The following VPS13A variants were observed in gnomAD, a reference collection of about 807,000 sequenced individuals.
The protein encoded by VPS13A is intermembrane lipid transfer protein VPS13A.
In VPS13A, 264 loss-of-function variants were observed where a neutral mutation model predicts 390.9. The ratio of observed to expected loss-of-function variants is 0.68; its 90% CI spans 0.61 to 0.75. VPS13A has a LOEUF of 0.75. Among genes scored for constraint, VPS13A ranks in the 30% least tolerant of loss-of-function variants. The probability of loss-of-function intolerance (pLI) is 0.00; values close to 1 mark genes in which losing one functional copy is unlikely to be tolerated. For synonymous variants in VPS13A, 1,231 were observed against 1,227.1 expected, an observed-to-expected ratio of 1.00 and a Z score of -0.07; for missense variants, 3,409 against 3,733.9, an observed-to-expected ratio of 0.91 and a Z score of 2.27.
In VPS13A at chr9:77,413,894, C is replaced by CAAGA. The variant is rs578133970; in HGVS notation, c.9475-2059_9475-2056dup. The stretch of plus-strand genomic sequence containing the variant: ...TCTACAATGAACTCAAACAAATCTA[C>CAAGA]AAGAAAAAAACAGCCCCATCAAAAA... On this transcript the variant is annotated intron_variant, in intron 71 of 71. Transcript: ENST00000360280. Among the ~76,000 whole-genome samples, 1,291 of 152,140 alleles carry CAAGA rather than the reference C, an allele frequency of 8.5e-3. 10 individuals are homozygous for CAAGA. The highest frequency in any genetic ancestry group is 0.014 in the South Asian group (67 of 4,824).
intron 54 of VPS13A, 63 bp from the exon 55 acceptor site, chr9:77,356,650 AC>A: frequency 6.6e-7 from 1 of 1,507,398 alleles, no homozygotes; most frequent in East Asian, 2.5e-5. Flanking sequence ...CATGTAATAA[AC>A]CAGTTAAAAT....
chr9:77,261,046 C>T lies in VPS13A; in HGVS notation c.2427+822C>T, dbSNP rs190969617. Among the ~76,000 whole-genome samples the T allele has an allele frequency of 2.3e-3, 351 of 151,472 alleles. 6 individuals carry two copies. The East Asian group carries it at 0.03, about 13-fold the overall frequency. ...CTGAGTGGCTGGGATTACAGGCGCC[C>T]GCCACCACGCCAGCTAATTTTTTTT... On this transcript the variant is annotated intron_variant, in intron 23 of 71. Transcript: ENST00000360280.
intron 1 of VPS13A, among the ~76,000 whole-genome samples, chr9:77,190,807 G>T (rs1300262976): frequency 6.6e-6 from 1 of 152,144 alleles, no homozygotes; most frequent in East Asian, 1.9e-4. Context: ...TTGGGAGGTT[G>T]TATGTTTCCA....
rs562618794 is a variant in VPS13A at position 77,415,589 on chromosome 9, G to A, written c.9475-367G>A. 1.5e-3 allele frequency among the ~76,000 whole-genome samples: 227 copies of A among 152,286 alleles called. 4 individuals carry two copies. Among genetic ancestry groups the A allele is most frequent in the South Asian group, 0.015 (71 of 4,820 alleles). The stretch of plus-strand genomic sequence containing the variant: ...CTTCTACTACCCTCTCTGGAATTGT[G>A]TGTAAGTATTTCTACTCCATTAGTA... On this transcript the variant is annotated intron_variant, in intron 71 of 71. Transcript: ENST00000360280.
intron 58 of VPS13A, among the ~76,000 whole-genome samples, chr9:77,359,654 C>T (rs1832028100): frequency 6.6e-6 from 1 of 152,020 alleles, no homozygotes; most frequent in Non-Finnish European, 1.5e-5. Context: ...CCCAACTCTA[C>T]TAAAAATACA....
At chr9:77,336,802 CTTTTTTTTTT>C (rs1221241397) in intron 46 of VPS13A, among the ~76,000 whole-genome samples, 3 of 107,988 alleles carry the variant, frequency 2.8e-5, no homozygotes, top group Non-Finnish European at 3.7e-5. Flanking sequence ...ATTTATCTAT[CTTTTTTTTTT>C]TTTTTTTTTT....
intron 7 of VPS13A, among the ~76,000 whole-genome samples, chr9:77,212,056 C>G (rs748815996): frequency 6.6e-6 from 1 of 152,170 alleles, no homozygotes; most frequent in Non-Finnish European, 1.5e-5. Context: ...GACCACTGCT[C>G]TAGGTGATCC....
intron 1 of VPS13A, among the ~76,000 whole-genome samples, chr9:77,184,230 AC>A (rs1313846069): frequency 2.0e-5 from 3 of 152,112 alleles, no homozygotes; most frequent in Non-Finnish European, 4.4e-5. Flanking sequence ...ATTTATTCCT[AC>A]CCTCATCTTC....
At chr9:77,239,192 A>T (rs1355480945) in intron 19 of VPS13A, among the ~76,000 whole-genome samples, 1 of 152,044 alleles carries the variant, frequency 6.6e-6, no homozygotes, top group Non-Finnish European at 1.5e-5. Context: ...AAAAAAATAA[A>T]TTTGGCTGGG....
At chr9:77,246,646 A>T (rs1170798069) in intron 19 of VPS13A, among the ~76,000 whole-genome samples, 1 of 152,186 alleles carries the variant, frequency 6.6e-6, no homozygotes, top group African/African-American at 2.4e-5. Context: ...TTAAAAGCTG[A>T]TGCTGATACT....
intron 34 of VPS13A, among the ~76,000 whole-genome samples, 199 bp from the exon 35 acceptor site, chr9:77,307,746 A>C (rs1828842370): frequency 6.6e-6 from 1 of 152,216 alleles, no homozygotes; most frequent in African/African-American, 2.4e-5. Context: ...TTAACACCTA[A>C]TTTAGTTCTA....
Position 77,220,425 on chromosome 9 carries a change from A to G in VPS13A, c.989+42A>G, listed in dbSNP as rs551569108. 6.1e-6 allele frequency: 8 copies of G among 1,304,894 alleles called. No individual in the cohort carries two copies. In the Admixed American group the frequency reaches 1.3e-4, roughly 21 times the overall value. 80.8% of individuals were successfully genotyped at this position (1,304,894 alleles called of 1,614,324 possible). A position where few individuals can be genotyped will look rare whatever the true frequency, so the allele number is the denominator to read the frequency against. On this transcript the variant is annotated intron_variant, in intron 12 of 71. Transcript: ENST00000360280. ...TTTTTTTTTTTTAGATTTTAAAAAT[A>G]CAACATAAAAATAAATTTCTCGACT...
intron 27 of VPS13A, 128 bp from the exon 28 acceptor site, chr9:77,281,739 G>A (rs1308601954): frequency 1.1e-4 from 54 of 492,386 alleles, no homozygotes; most frequent in South Asian, 2.0e-4. Context: ...GTGTATATGT[G>A]TATATATATA....
At chr9:77,307,435 A>G (rs1828823398) in intron 34 of VPS13A, among the ~76,000 whole-genome samples, 1 of 152,194 alleles carries the variant, frequency 6.6e-6, no homozygotes, top group East Asian at 1.9e-4. Context: ...TGGGTGACAG[A>G]ATGAGACCCA....
At chr9:77,323,987 C>T (rs1340373105) in intron 45 of VPS13A, among the ~76,000 whole-genome samples, 4 of 151,418 alleles carry the variant, frequency 2.6e-5, no homozygotes, top group African/African-American at 9.7e-5. Flanking sequence ...TTTTTTTCAC[C>T]ATATGGATTT....
chr9:77,316,441 A>G, intron 39 of VPS13A, 35 bp downstream of exon 39: 1 of 1,578,034 alleles, frequency 6.3e-7, no homozygotes, highest in Non-Finnish European at 8.7e-7. Context: ...CTTAATTGTA[A>G]CTATTTTGGA....
At chr9:77,312,636 C>T (rs143503919) in intron 35 of VPS13A, among the ~76,000 whole-genome samples, 71 of 152,078 alleles carry the variant, frequency 4.7e-4, no homozygotes, top group Non-Finnish European at 8.4e-4. Flanking sequence ...AGGATGGTCT[C>T]GATCGCCTGA....
intron 71 of VPS13A, among the ~76,000 whole-genome samples, chr9:77,412,976 G>A (rs978858813): frequency 3.3e-5 from 5 of 152,088 alleles, no homozygotes; most frequent in Non-Finnish European, 5.9e-5. Context: ...GCCAAATCAT[G>A]AGTGAACTCC....
intron 33 of VPS13A, among the ~76,000 whole-genome samples, chr9:77,301,231 G>A (rs1828333671): frequency 6.6e-6 from 1 of 152,058 alleles, no homozygotes; most frequent in African/African-American, 2.4e-5. Context: ...ATTTATTATG[G>A]TGAAGAATTG....
Sources: allele counts gnomAD v4.1 joint callset (sites outside exome capture counted in the v4.1 genomes callset), GRCh38; gene constraint gnomAD v4.1.1; transcripts MANE v1.5; gene names NCBI Gene and HGNC (gene_info 2026-07-23, HGNC 2026-07-21).